TENM3: variants seen among roughly 807,000 people sequenced by gnomAD.
TENM3 encodes teneurin-3.
In TENM3, 63 loss-of-function variants were observed where a neutral mutation model predicts 255.1. The ratio of observed to expected loss-of-function variants is 0.25; its 90% CI spans 0.20 to 0.30. TENM3 has a LOEUF of 0.30. Ranked by LOEUF, TENM3 falls within the 10% of genes least tolerant of loss-of-function variation. The pLI, the probability that TENM3 is intolerant of heterozygous loss-of-function variation, is 1.00. For synonymous variants in TENM3, 1,306 were observed against 1,322.3 expected (o/e 0.99, Z 0.27); for missense variants, 2,929 against 3,461.1 (o/e 0.85, Z 3.86).
At chr4:182,265,254 T>C (rs1208592124) in intron 1 of TENM3, among the ~76,000 whole-genome samples, 1 of 152,160 alleles carries the variant, frequency 6.6e-6, no homozygotes, top group East Asian at 1.9e-4. Context: ...GTAGGAAATA[T>C]ACTTTAAGGG....
the TENM3 span, among the ~76,000 whole-genome samples, chr4:181,658,092 A>G: frequency 2.0e-5 from 3 of 152,174 alleles, no homozygotes; most frequent in Admixed American, 2.0e-4. Flanking sequence ...CGTCAGCATC[A>G]TGCAATATAC....
the TENM3 span, among the ~76,000 whole-genome samples, chr4:181,860,726 T>C: frequency 6.6e-6 from 1 of 152,196 alleles, no homozygotes; most frequent in African/African-American, 2.4e-5. Flanking sequence ...TTATGGGGGC[T>C]CCGGGGTCCC....
chr4:181,539,827 G>A, the TENM3 span, among the ~76,000 whole-genome samples: 1 of 152,128 alleles, frequency 6.6e-6, no homozygotes, highest in Non-Finnish European at 1.5e-5. Context: ...TACTTCTATA[G>A]CTGACCTATA....
At chr4:182,481,174 T>C (rs1013421405) in intron 3 of TENM3, among the ~76,000 whole-genome samples, 10 of 152,156 alleles carry the variant, frequency 6.6e-5, no homozygotes, top group Non-Finnish European at 1.2e-4. Context: ...GTCGTAAATA[T>C]ATTTTTTAAA....
chr4:181,578,980 C>T, the TENM3 span, among the ~76,000 whole-genome samples: 2 of 152,166 alleles, frequency 1.3e-5, no homozygotes, highest in African/African-American at 2.4e-5. Flanking sequence ...GGAAAAGCCT[C>T]TGCACATAGC....
In TENM3 at chr4:182,715,910, C is replaced by T. The variant is rs1759124937; in HGVS notation, c.2368+1677C>T. Among the ~76,000 whole-genome samples the T allele has an allele frequency of 2.0e-5, 3 of 152,210 alleles. No individual in the cohort carries two copies. In the South Asian group the frequency reaches 6.2e-4, roughly 32 times the overall value. On this transcript the variant is annotated intron_variant, in intron 13 of 27. Transcript: ENST00000511685. ...GTTCACTGTTTTCTCTTAACTTGGA[C>T]AGTCAAGAAACTTGAGCCACAAATT...
intron 3 of TENM3, among the ~76,000 whole-genome samples, chr4:182,361,281 G>A (rs1272126917): frequency 6.6e-6 from 1 of 152,108 alleles, no homozygotes. Context: ...TGCTAGATTG[G>A]GGAAGTTCTC....
At chr4:182,176,821 A>ATTTTTTTTTTTTTTTTT (rs529637466) in intron 1 of TENM3, among the ~76,000 whole-genome samples, 1 of 113,358 alleles carries the variant, frequency 8.8e-6, no homozygotes, top group Non-Finnish European at 1.8e-5. Context: ...CATCCGGCTA[A>ATTTTTTTTTTTTTTTTT]TTTTTTTTTT....
At chr4:181,564,040 CTTTTTT>C in the TENM3 span, among the ~76,000 whole-genome samples, 2 of 79,794 alleles carry the variant, frequency 2.5e-5, no homozygotes, top group South Asian at 6.7e-4. Context: ...TTTCTTTTTT[CTTTTTT>C]TTTTTTTTTT....
At chr4:182,491,861 A>C (rs2151590246) in intron 3 of TENM3, among the ~76,000 whole-genome samples, 1 of 152,314 alleles carries the variant, frequency 6.6e-6, no homozygotes, top group East Asian at 1.9e-4. Context: ...GGGATGCAGA[A>C]CAGTAATTGG....
At chr4:182,495,819 A>G (rs145896229) in intron 3 of TENM3, among the ~76,000 whole-genome samples, 1 of 152,294 alleles carries the variant, frequency 6.6e-6, no homozygotes, top group East Asian at 1.9e-4. Flanking sequence ...GCTTTTTTGG[A>G]TCAATTTAAT....
the TENM3 span, among the ~76,000 whole-genome samples, chr4:181,689,985 C>A: frequency 6.6e-6 from 1 of 152,108 alleles, no homozygotes; most frequent in Non-Finnish European, 1.5e-5. Flanking sequence ...AGAGGTGATG[C>A]AGGGGTGCGG....
At chr4:182,130,703 T>C in the TENM3 span, among the ~76,000 whole-genome samples, 1 of 150,432 alleles carries the variant, frequency 6.6e-6, no homozygotes, top group African/African-American at 2.4e-5. Flanking sequence ...TTTTTTTTCA[T>C]CTTTGGATCT....
chr4:181,547,474 A>G, the TENM3 span, among the ~76,000 whole-genome samples: 11 of 152,272 alleles, frequency 7.2e-5, no homozygotes, highest in Middle Eastern at 3.4e-3. Flanking sequence ...AATTCCAAAA[A>G]GTTGAAATAA....
the TENM3 span, among the ~76,000 whole-genome samples, chr4:181,583,746 A>T: frequency 6.6e-6 from 1 of 152,204 alleles, no homozygotes; most frequent in African/African-American, 2.4e-5. Flanking sequence ...TATGTTATTA[A>T]CTGTGTCTGT....
At chr4:182,550,266 T>C (rs1009956690) in intron 3 of TENM3, among the ~76,000 whole-genome samples, 1 of 152,232 alleles carries the variant, frequency 6.6e-6, no homozygotes, top group Non-Finnish European at 1.5e-5. Flanking sequence ...AAATACAGAA[T>C]TTAAGAATTA....
intron 1 of TENM3, among the ~76,000 whole-genome samples, chr4:182,216,710 C>A (rs774913346): frequency 6.6e-6 from 1 of 152,194 alleles, no homozygotes; most frequent in African/African-American, 2.4e-5. Context: ...TCCTTATTCA[C>A]AGTTGAATTC....
intron 3 of TENM3, among the ~76,000 whole-genome samples, chr4:182,439,392 A>T (rs1227638552): frequency 6.6e-6 from 1 of 152,206 alleles, no homozygotes; most frequent in Non-Finnish European, 1.5e-5. Context: ...ACCAAGACAG[A>T]CCCTAGGTAG....
the TENM3 span, among the ~76,000 whole-genome samples, chr4:181,957,466 G>A: frequency 6.6e-6 from 1 of 152,028 alleles, no homozygotes; most frequent in South Asian, 2.1e-4. Flanking sequence ...AGAATCACAG[G>A]GTGAATTTTA....
Sources: allele counts gnomAD v4.1 joint callset (sites outside exome capture counted in the v4.1 genomes callset), GRCh38; gene constraint gnomAD v4.1.1; transcripts MANE v1.5; gene names NCBI Gene and HGNC (gene_info 2026-07-23, HGNC 2026-07-21).